LRP1B: variants seen among roughly 807,000 people sequenced by gnomAD.
LRP1B encodes the protein low-density lipoprotein receptor-related protein 1B.
Under a neutral mutation model 556.6 loss-of-function variants are expected in LRP1B, and 217 were observed. The ratio of observed to expected loss-of-function variants is 0.39; its 90% CI spans 0.35 to 0.44. The LOEUF (loss-of-function observed/expected upper bound fraction) is 0.44. Among genes scored for constraint, LRP1B ranks in the 20% least tolerant of loss-of-function variants. The pLI, the probability that LRP1B is intolerant of heterozygous loss-of-function variation, is 1.00. For synonymous variants in LRP1B, 2,047 were observed against 1,865.8 expected, an observed-to-expected ratio of 1.10 and a Z score of -2.50; for missense variants, 5,053 against 5,620.8, an observed-to-expected ratio of 0.90 and a Z score of 3.23.
intron 18 of LRP1B, among the ~76,000 whole-genome samples, chr2:140,954,647 TAAAA>T (rs1057019912): frequency 6.6e-6 from 1 of 151,932 alleles, no homozygotes; most frequent in African/African-American, 2.4e-5. Flanking sequence ...TCTGAATATA[TAAAA>T]AAAGTTATCA....
At chr2:140,879,552 C>A (rs1244852610) in intron 25 of LRP1B, among the ~76,000 whole-genome samples, 1 of 152,042 alleles carries the variant, frequency 6.6e-6, no homozygotes, top group Non-Finnish European at 1.5e-5. Flanking sequence ...TAGTTCAAAA[C>A]AATCTTAAGA....
intron 66 of LRP1B, among the ~76,000 whole-genome samples, chr2:140,434,075 T>G (rs1333260730): frequency 6.6e-6 from 1 of 152,038 alleles, no homozygotes; most frequent in Non-Finnish European, 1.5e-5. Context: ...TTTATTTATT[T>G]TTTTTTCATT....
chr2:142,085,403 T>C (rs975789507), intron 1 of LRP1B, among the ~76,000 whole-genome samples: 9 of 152,184 alleles, frequency 5.9e-5, no homozygotes, highest in African/African-American at 1.7e-4. Flanking sequence ...TCTGAACTCA[T>C]TGAAGGTAGA....
chr2:141,209,937 A>G (rs1161964715), intron 6 of LRP1B, among the ~76,000 whole-genome samples: 2 of 152,196 alleles, frequency 1.3e-5, no homozygotes, highest in South Asian at 2.1e-4. Flanking sequence ...TTTTAAAGTG[A>G]GTTGTATGAA....
chr2:141,853,441 T>G (rs965198516), intron 1 of LRP1B, among the ~76,000 whole-genome samples: 1 of 151,862 alleles, frequency 6.6e-6, no homozygotes, highest in African/African-American at 2.4e-5. Context: ...CAGATGAATG[T>G]TTTGTATATT....
intron 7 of LRP1B, among the ~76,000 whole-genome samples, chr2:141,168,200 CTA>C (rs1680349015): frequency 6.6e-6 from 1 of 151,956 alleles, no homozygotes; most frequent in South Asian, 2.1e-4. Flanking sequence ...GTGGGCTAGT[CTA>C]TGTTTCAGCA....
intron 11 of LRP1B, among the ~76,000 whole-genome samples, chr2:141,026,724 A>AAC (rs1558809079): frequency 6.6e-6 from 1 of 152,256 alleles, no homozygotes; most frequent in African/African-American, 2.4e-5. Context: ...TATCTAAGAA[A>AAC]ACACACACAG....
At chr2:141,798,702 TCTCAAAAA>T (rs1429226152) in intron 2 of LRP1B, among the ~76,000 whole-genome samples, 1 of 69,620 alleles carries the variant, frequency 1.4e-5, no homozygotes, top group African/African-American at 8.6e-5. Context: ...TAAGACTCTG[TCTCAAAAA>T]AAAAAAAAAA....
intron 15 of LRP1B, among the ~76,000 whole-genome samples, chr2:140,999,250 T>C (rs897964650): frequency 2.6e-5 from 4 of 152,118 alleles, no homozygotes; most frequent in African/African-American, 4.8e-5. Context: ...TTAGAAGATA[T>C]AGCAGAATTT....
At chr2:140,878,111 T>C (rs2105176298) in intron 25 of LRP1B, among the ~76,000 whole-genome samples, 1 of 152,318 alleles carries the variant, frequency 6.6e-6, no homozygotes, top group Non-Finnish European at 1.5e-5. Flanking sequence ...AACATTCATA[T>C]ACCAGAGGAC....
At chr2:140,784,427 G>T (rs1009908894) in intron 32 of LRP1B, among the ~76,000 whole-genome samples, 2 of 86,374 alleles carry the variant, frequency 2.3e-5, no homozygotes, top group African/African-American at 3.5e-5. Flanking sequence ...CACACAAAAG[G>T]CTCAGTGCAG....
At chr2:141,077,116 C>T (rs899256395) in intron 7 of LRP1B, among the ~76,000 whole-genome samples, 4 of 152,006 alleles carry the variant, frequency 2.6e-5, no homozygotes, top group East Asian at 3.9e-4. Context: ...GGCGTGGCAG[C>T]GTGTGCCTCT....
At chr2:141,825,726 C>G (rs1696899276) in intron 1 of LRP1B, among the ~76,000 whole-genome samples, 1 of 152,058 alleles carries the variant, frequency 6.6e-6, no homozygotes, top group Non-Finnish European at 1.5e-5. Context: ...CAGTAGACAC[C>G]TCATGAGAAT....
chr2:141,702,016 A>C (rs1691956222), intron 2 of LRP1B, among the ~76,000 whole-genome samples: 1 of 151,922 alleles, frequency 6.6e-6, no homozygotes, highest in Non-Finnish European at 1.5e-5. Context: ...ATGCCAAACA[A>C]CCACAGAGTT....
intron 1 of LRP1B, among the ~76,000 whole-genome samples, chr2:141,879,144 AAATAT>A (rs1194575042): frequency 1.3e-5 from 2 of 151,892 alleles, no homozygotes; most frequent in Non-Finnish European, 2.9e-5. Flanking sequence ...TCTTTATAGA[AAATAT>A]ATTATTACTT....
At chr2:140,590,474 T>C (rs887846523) in intron 43 of LRP1B, among the ~76,000 whole-genome samples, 1 of 151,828 alleles carries the variant, frequency 6.6e-6, no homozygotes, top group East Asian at 1.9e-4. Flanking sequence ...CTTGGAGACA[T>C]GACCATTAAG....
At chr2:141,609,946 TA>T (rs1207491473) in intron 2 of LRP1B, among the ~76,000 whole-genome samples, 7 of 152,364 alleles carry the variant, frequency 4.6e-5, no homozygotes, top group Admixed American at 6.5e-5. Context: ...AGTACAGTAC[TA>T]AAATGCCAAA....
At chr2:141,525,394 GT>G (rs1417622293) in intron 2 of LRP1B, among the ~76,000 whole-genome samples, 1 of 151,826 alleles carries the variant, frequency 6.6e-6, no homozygotes, top group Non-Finnish European at 1.5e-5. Flanking sequence ...ACTGCTTGGG[GT>G]TTTTTTCATC....
At position 141,895,258 on chromosome 2, in the gene LRP1B, G is replaced by A. The variant is rs187733151; in HGVS notation, c.83-84857C>T. Among the ~76,000 whole-genome samples the A allele has an allele frequency of 5.1e-4, 78 of 152,216 alleles. No homozygotes were observed. In the East Asian group the frequency reaches 0.015, roughly 28 times the overall value. Reference sequence around the variant, plus strand: ...AGTAGTTGGAGCCAATGTGAGGTGTGTGCAAAGGCTGAGTCTATGAGGTAT... The same window carrying A: ...AGTAGTTGGAGCCAATGTGAGGTGTATGCAAAGGCTGAGTCTATGAGGTAT... On this transcript the variant is annotated intron_variant, in intron 1 of 90. Coordinates refer to ENST00000389484, the MANE Select transcript of LRP1B (RefSeq NM_018557.3).
Sources: gnomAD v4.1 joint callset for allele counts (sites outside exome capture counted in the v4.1 genomes callset) on GRCh38, gnomAD v4.1.1 for gene constraint, MANE v1.5 for transcripts, NCBI Gene and HGNC (gene_info 2026-07-23, HGNC 2026-07-21) for gene names.